The following DACH1 variants were observed in gnomAD, a reference collection of about 807,000 sequenced individuals.
The protein encoded by DACH1 is dachshund homolog 1.
A neutral mutation model predicts 54.2 loss-of-function variants in DACH1; 12 were observed. The observed-to-expected ratio is 0.22, with a 90% CI of 0.14 to 0.36. The LOEUF (loss-of-function observed/expected upper bound fraction) is 0.36. DACH1 is among the 10% of genes least tolerant of loss of function. DACH1 has a pLI of 1.00. For synonymous variants in DACH1, 386 were observed against 366.2 expected, an observed-to-expected ratio of 1.05 and a Z score of -0.62; for missense variants, 805 against 929.8, an observed-to-expected ratio of 0.87 and a Z score of 1.75.
chr13:71,538,911 T>A (rs1204814723), intron 6 of DACH1, among the ~76,000 whole-genome samples: 1 of 152,176 alleles, frequency 6.6e-6, no homozygotes, highest in East Asian at 1.9e-4. Flanking sequence ...ATTGTCAACA[T>A]GGTAATTTCA....
intron 3 of DACH1, among the ~76,000 whole-genome samples, chr13:71,615,648 AAT>A (rs2138527832): frequency 6.6e-6 from 1 of 152,288 alleles, no homozygotes; most frequent in African/African-American, 2.4e-5. Context: ...GACTGCAGTA[AAT>A]AATCCATAAG....
At chr13:71,720,873 C>G (rs1472734280) in intron 1 of DACH1, among the ~76,000 whole-genome samples, 1 of 152,146 alleles carries the variant, frequency 6.6e-6, no homozygotes, top group African/African-American at 2.4e-5. Flanking sequence ...AGTTATCTCT[C>G]ACACTTGTCA....
intron 1 of DACH1, among the ~76,000 whole-genome samples, chr13:71,829,754 A>G (rs1888512940): frequency 6.6e-6 from 1 of 151,994 alleles, no homozygotes; most frequent in African/African-American, 2.4e-5. Context: ...GTCAGAAGTG[A>G]TAAATCAAAG....
intron 1 of DACH1, among the ~76,000 whole-genome samples, chr13:71,834,929 C>A (rs995988853): frequency 6.6e-6 from 1 of 151,970 alleles, no homozygotes; most frequent in South Asian, 2.1e-4. Flanking sequence ...CTCCCTTTTC[C>A]CACATTTGTC....
chr13:71,476,385 A>G (rs1454666176), intron 8 of DACH1, among the ~76,000 whole-genome samples: 1 of 152,194 alleles, frequency 6.6e-6, no homozygotes, highest in Non-Finnish European at 1.5e-5. Flanking sequence ...AATGTAATAA[A>G]TATTTTTTGT....
intron 1 of DACH1, among the ~76,000 whole-genome samples, chr13:71,864,671 C>T (rs183081360): frequency 1.3e-5 from 2 of 152,096 alleles, no homozygotes; most frequent in African/African-American, 4.8e-5. Context: ...TGCAGAGAAC[C>T]GTGGGGACAA....
intron 4 of DACH1, among the ~76,000 whole-genome samples, chr13:71,568,576 A>T (rs1456593432): frequency 2.0e-5 from 3 of 152,080 alleles, no homozygotes; most frequent in Non-Finnish European, 4.4e-5. Context: ...CTTCAAATAA[A>T]ATATAACAAA....
At chr13:71,608,670 C>T (rs1875071490) in intron 3 of DACH1, among the ~76,000 whole-genome samples, 1 of 151,974 alleles carries the variant, frequency 6.6e-6, no homozygotes, top group African/African-American at 2.4e-5. Context: ...TATAATTAAT[C>T]CTAAAACTAA....
intron 1 of DACH1, among the ~76,000 whole-genome samples, chr13:71,802,618 T>C (rs1252602101): frequency 6.6e-6 from 1 of 151,928 alleles, no homozygotes; most frequent in Non-Finnish European, 1.5e-5. Flanking sequence ...TAATATAAAC[T>C]GAAGAATATA....
At chr13:71,532,939 G>C (rs1882510776) in intron 6 of DACH1, among the ~76,000 whole-genome samples, 1 of 151,624 alleles carries the variant, frequency 6.6e-6, no homozygotes, top group South Asian at 2.1e-4. Context: ...CTAATTATGG[G>C]ATACATTATA....
intron 6 of DACH1, among the ~76,000 whole-genome samples, chr13:71,538,763 G>A (rs1291031677): frequency 6.6e-6 from 1 of 151,948 alleles, no homozygotes; most frequent in African/African-American, 2.4e-5. Flanking sequence ...TCAAATGCTG[G>A]CACCTATCTT....
intron 1 of DACH1, among the ~76,000 whole-genome samples, chr13:71,724,436 G>A (rs1205969125): frequency 6.6e-6 from 1 of 152,030 alleles, no homozygotes; most frequent in Non-Finnish European, 1.5e-5. Context: ...TATATTCAAT[G>A]CATGCCAATT....
At chr13:71,849,261 T>C (rs750829324) in intron 1 of DACH1, among the ~76,000 whole-genome samples, 5 of 152,194 alleles carry the variant, frequency 3.3e-5, no homozygotes, top group Non-Finnish European at 4.4e-5. Flanking sequence ...AATACTTCCA[T>C]TGACAGTCAC....
intron 6 of DACH1, among the ~76,000 whole-genome samples, chr13:71,509,068 T>C (rs931433831): frequency 6.6e-6 from 1 of 152,176 alleles, no homozygotes; most frequent in African/African-American, 2.4e-5. Context: ...AATGTACTAT[T>C]AGTATATTTA....
At chr13:71,758,408 A>G (rs1481016703) in intron 1 of DACH1, among the ~76,000 whole-genome samples, 3 of 152,234 alleles carry the variant, frequency 2.0e-5, no homozygotes, top group African/African-American at 7.2e-5. Context: ...TGGAAACAAA[A>G]CAAGTTTTAT....
In DACH1 at chr13:71,819,046, A is replaced by G. The variant is rs1888084316; in HGVS notation, c.848+46876T>C. Among the ~76,000 whole-genome samples the G allele has an allele frequency of 1.3e-5, 2 of 152,176 alleles. 1 individual carries two copies. On this transcript the variant is annotated intron_variant, in intron 1 of 10. Transcript: ENST00000613252. ...GTATCAGCAGAATTGAAGTAAACCA[A>G]TAAAAGAGAAGGTGGCATCCTGGGG... is the stretch of plus-strand genomic sequence containing the variant.
intron 3 of DACH1, among the ~76,000 whole-genome samples, chr13:71,585,323 T>C (rs1182984513): frequency 6.6e-6 from 1 of 152,176 alleles, no homozygotes; most frequent in Non-Finnish European, 1.5e-5. Flanking sequence ...AAAAAAAATA[T>C]ATTTCAAAAT....
At chr13:71,578,832 T>C (rs1885694041) in intron 3 of DACH1, among the ~76,000 whole-genome samples, 1 of 152,246 alleles carries the variant, frequency 6.6e-6, no homozygotes, top group African/African-American at 2.4e-5. Context: ...ACATTTATCA[T>C]GTTTGATTTG....
At chr13:71,634,728 C>T (rs1365650675) in intron 2 of DACH1, among the ~76,000 whole-genome samples, 1 of 152,138 alleles carries the variant, frequency 6.6e-6, no homozygotes, top group African/African-American at 2.4e-5. Flanking sequence ...TTTGCATCAA[C>T]CCTGCTGTAT....
Sources: gnomAD v4.1 joint callset for allele counts (sites outside exome capture counted in the v4.1 genomes callset) on GRCh38, gnomAD v4.1.1 for gene constraint, MANE v1.5 for transcripts, NCBI Gene and HGNC (gene_info 2026-07-23, HGNC 2026-07-21) for gene names.